The following ANK2 variants were observed in gnomAD, a reference collection of about 807,000 sequenced individuals.
The protein encoded by ANK2 is ankyrin 2.
ANK2 carries 83 observed loss-of-function variants against 360.5 expected under a neutral mutation model. That is an observed-to-expected ratio of 0.23 (90% CI 0.19 to 0.28). ANK2 has a LOEUF of 0.28. ANK2 is among the 10% of genes least tolerant of loss of function. ANK2 has a pLI of 1.00. For missense variants in ANK2, 4,201 were observed against 4,795.7 expected (o/e 0.88, Z 3.66); for synonymous variants, 1,740 against 1,759.5 (o/e 0.99, Z 0.28).
intron 14 of ANK2, among the ~76,000 whole-genome samples, chr4:113,268,634 G>A (rs967413459): frequency 2.0e-5 from 3 of 152,172 alleles, no homozygotes; most frequent in Admixed American, 2.0e-4. Context: ...TTGATGTGCT[G>A]CTGGATTCAG....
chr4:112,814,298 C>T (rs958843365), upstream of ANK2, among the ~76,000 whole-genome samples: 2 of 151,942 alleles, frequency 1.3e-5, no homozygotes, highest in African/African-American at 2.4e-5. Context: ...ACTCAGCCAA[C>T]GAGAGAAATA....
intron 2 of ANK2, among the ~76,000 whole-genome samples, chr4:112,961,676 C>T (rs1204902856): frequency 6.6e-6 from 1 of 152,028 alleles, no homozygotes; most frequent in Non-Finnish European, 1.5e-5. Flanking sequence ...GGCTGTTGGA[C>T]CATGTGTCAA....
chr4:112,839,223 T>C (rs2061602129), intron 1 of ANK2, among the ~76,000 whole-genome samples: 1 of 152,230 alleles, frequency 6.6e-6, no homozygotes, highest in South Asian at 2.1e-4. Flanking sequence ...TGTACTTTCA[T>C]TCACAGGTCC....
Position 112,982,117 on chromosome 4 carries a change from C to T in ANK2, c.21+77603C>T, listed in dbSNP as rs577066277. On this transcript the variant is annotated intron_variant, in intron 2 of 30. Transcript: ENST00000503271. Reference sequence around the variant, plus strand: ...ACTCAGCATTTCTCAGTGTGTTCTGCGAAAAATAGATTTTTGGCCTGTGAA... The same window carrying T: ...ACTCAGCATTTCTCAGTGTGTTCTGTGAAAAATAGATTTTTGGCCTGTGAA... 3.3e-4 allele frequency among the ~76,000 whole-genome samples: 50 copies of T among 151,662 alleles called. 1 individual carries two copies. The highest frequency in any genetic ancestry group is 2.9e-3 in the South Asian group (14 of 4,788).
intron 1 of ANK2, among the ~76,000 whole-genome samples, chr4:113,103,177 T>C (rs1197628984): frequency 1.3e-5 from 2 of 152,198 alleles, no homozygotes; most frequent in Admixed American, 6.5e-5. Flanking sequence ...AATAGAGCTT[T>C]CTTTGCAACT....
Position 112,881,317 on chromosome 4 carries a change from G to GGTCC in ANK2, c.-39-23137_-39-23134dup, listed in dbSNP as rs1439160242. On this transcript the variant is annotated intron_variant, in intron 1 of 30. Transcript: ENST00000503271. ...GCCAGGCATGGTGGCATGTGCCTGT[G>GGTCC]GTCCCAGCTACTTGGGAGGCAGACT... Among the ~76,000 whole-genome samples the GGTCC allele has an allele frequency of 2.6e-5, 4 of 152,204 alleles. No individual in the cohort carries two copies. The East Asian group carries it at 7.7e-4, about 29-fold the overall frequency.
At chr4:112,984,969 GT>G (rs1420020250) in intron 2 of ANK2, among the ~76,000 whole-genome samples, 1 of 152,118 alleles carries the variant, frequency 6.6e-6, no homozygotes. Flanking sequence ...TTATAAAAAA[GT>G]TACAATATGC....
At chr4:113,090,810 A>G (rs1193883131) in intron 1 of ANK2, among the ~76,000 whole-genome samples, 2 of 152,322 alleles carry the variant, frequency 1.3e-5, no homozygotes, top group East Asian at 3.9e-4. Context: ...AATAGAAGTT[A>G]CCCTCGTTAG....
rs1302788442 is a variant in ANK2 at position 113,214,472 on chromosome 4, A to G, written c.384+15363A>G. On this transcript the variant is annotated intron_variant, in intron 4 of 45. Coordinates refer to ENST00000357077, the MANE Select transcript of ANK2 (RefSeq NM_001148.6). ...ATGATTATTTAAATAAACAATCTGG[A>G]AAAATCTACAAATCAATTAATAAAA... 4 of 664,386 alleles carry G rather than the reference A, an allele frequency of 6.0e-6. No individual in the cohort carries two copies. In the Admixed American group the frequency reaches 9.6e-5, roughly 16 times the overall value. 41.2% of individuals were successfully genotyped at this position (664,386 alleles called of 1,614,324 possible). A position where few individuals can be genotyped will look rare whatever the true frequency, so the allele number is the denominator to read the frequency against.
chr4:113,164,260 T>C (rs2097671781), intron 1 of ANK2, among the ~76,000 whole-genome samples: 1 of 152,130 alleles, frequency 6.6e-6, no homozygotes, highest in Admixed American at 6.5e-5. Flanking sequence ...ATCACATATG[T>C]ATATATATTA....
intron 2 of ANK2, among the ~76,000 whole-genome samples, chr4:112,933,239 T>G (rs563212522): frequency 6.6e-6 from 1 of 152,294 alleles, no homozygotes; most frequent in African/African-American, 2.4e-5. Flanking sequence ...AAAAATTAAG[T>G]GAAGACAATG....
At chr4:112,775,515 T>TCACACACA in the ANK2 span, among the ~76,000 whole-genome samples, 1,343 of 118,114 alleles carry the variant, frequency 0.011, 18 homozygotes, top group Non-Finnish European at 0.013. Flanking sequence ...CTAAGCTCCA[T>TCACACACA]CACACACACA....
chr4:113,370,993 T>A (rs1034354858), intron 43 of ANK2, among the ~76,000 whole-genome samples: 2 of 152,142 alleles, frequency 1.3e-5, no homozygotes, highest in African/African-American at 4.8e-5. Flanking sequence ...TAATATGAAT[T>A]AAACTTAATT....
chr4:113,155,691 C>A (rs895001526), intron 1 of ANK2, among the ~76,000 whole-genome samples: 2 of 152,058 alleles, frequency 1.3e-5, no homozygotes, highest in African/African-American at 4.8e-5. Flanking sequence ...AAAAGTGGAA[C>A]TTCATACTTT....
chr4:113,278,376 A>G lies in ANK2; in HGVS notation c.1783-84A>G, dbSNP rs1216265354. Reference sequence around the variant, plus strand: ...TTAATTCATTAACATGAATTTAATCAATATCAGTTTCCAGGCATCCTGGTA... The same window carrying G: ...TTAATTCATTAACATGAATTTAATCGATATCAGTTTCCAGGCATCCTGGTA... On this transcript the variant is annotated intron_variant, in intron 16 of 45. Coordinates refer to ENST00000357077, the MANE Select transcript of ANK2 (RefSeq NM_001148.6). The G allele has an allele frequency of 3.7e-6, 4 of 1,085,152 alleles. No homozygotes were observed. In the African/African-American group the frequency reaches 4.6e-5, roughly 13 times the overall value. 67.2% of individuals were successfully genotyped at this position (1,085,152 alleles called of 1,614,324 possible). A position where few individuals can be genotyped will look rare whatever the true frequency, so the allele number is the denominator to read the frequency against.
At chr4:112,760,279 C>T in the ANK2 span, among the ~76,000 whole-genome samples, 1 of 151,266 alleles carries the variant, frequency 6.6e-6, no homozygotes, top group East Asian at 1.9e-4. Context: ...CTCCGCCTCT[C>T]GGGTTCCCGC....
At chr4:112,785,128 T>A in the ANK2 span, among the ~76,000 whole-genome samples, 1 of 152,218 alleles carries the variant, frequency 6.6e-6, no homozygotes, top group Non-Finnish European at 1.5e-5. Context: ...ATTTAGAAGG[T>A]TCTGTGAGCT....
chr4:112,918,591 A>G (rs1015366743), intron 2 of ANK2, among the ~76,000 whole-genome samples: 1 of 152,128 alleles, frequency 6.6e-6, no homozygotes, highest in Non-Finnish European at 1.5e-5. Context: ...CTGTTTGAAG[A>G]ATAGAGAGGG....
chr4:113,334,592 G>C (rs1393563384), intron 29 of ANK2, among the ~76,000 whole-genome samples: 1 of 141,408 alleles, frequency 7.1e-6, no homozygotes, highest in East Asian at 2.0e-4. Flanking sequence ...AAAGTTAATA[G>C]ATTAATTAAT....
Sources: allele counts gnomAD v4.1 joint callset (sites outside exome capture counted in the v4.1 genomes callset), GRCh38; gene constraint gnomAD v4.1.1; transcripts MANE v1.5; gene names NCBI Gene and HGNC (gene_info 2026-07-23, HGNC 2026-07-21).